ACACB: variants seen among roughly 807,000 people sequenced by gnomAD.
ACACB encodes acetyl-CoA carboxylase 2.
A neutral mutation model predicts 278.8 loss-of-function variants in ACACB; 209 were observed. The ratio of observed to expected loss-of-function variants is 0.75; its 90% CI spans 0.67 to 0.84. The LOEUF is 0.84. Ranked by LOEUF, ACACB falls within the 40% of genes least tolerant of loss-of-function variation. The probability of loss-of-function intolerance (pLI) is 0.00; values close to 1 mark genes in which losing one functional copy is unlikely to be tolerated. For synonymous variants in ACACB, 1,174 were observed against 1,285.6 expected, an observed-to-expected ratio of 0.91 and a Z score of 1.86; for missense variants, 2,850 against 3,269.0, an observed-to-expected ratio of 0.87 and a Z score of 3.13.
At chr12:109,176,097 G>T in intron 8 of ACACB, 56 bp from the exon 9 acceptor site, 1 of 1,611,148 alleles carries the variant, frequency 6.2e-7, no homozygotes, top group Non-Finnish European at 8.5e-7. Context: ...CTCTGTCCTG[G>T]TAGCAGTTGG....
At chr12:109,198,604 G>C (rs952828307) in intron 17 of ACACB, among the ~76,000 whole-genome samples, 4 of 151,944 alleles carry the variant, frequency 2.6e-5, no homozygotes, top group African/African-American at 9.7e-5. Flanking sequence ...GTTGTGATGG[G>C]AGGATCACCT....
At chr12:109,116,198 G>A (rs766167228), upstream of ACACB, among the ~76,000 whole-genome samples, 12 of 152,184 alleles carry the variant, frequency 7.9e-5, no homozygotes, top group Non-Finnish European at 1.6e-4. Flanking sequence ...ATCTTTTCAG[G>A]GGAGAGAAGC....
intron 6 of ACACB, among the ~76,000 whole-genome samples, chr12:109,172,705 T>C (rs936729599): frequency 6.6e-6 from 1 of 152,224 alleles, no homozygotes; most frequent in East Asian, 1.9e-4. Flanking sequence ...GGAACGCTTA[T>C]GCACTGTTGG....
chr12:109,266,388 G>T lies in ACACB; in HGVS notation c.*26G>T. ...CCGTGGCCCGCCCAGCCACTCCCGG[G>T]ACCACGGCAAAAGGAACCACCCAGA... On this transcript the variant is annotated 3_prime_UTR_variant, in exon 53 of 53. Transcript: ENST00000338432. 1.3e-6 allele frequency: 2 copies of T among 1,584,566 alleles called. No homozygotes were observed. The highest frequency in any genetic ancestry group is 2.3e-5 in the South Asian group (2 of 88,362).
intron 21 of ACACB, among the ~76,000 whole-genome samples, chr12:109,210,338 C>T (rs111205032): frequency 0.045 from 932 of 20,648 alleles, 172 homozygotes; most frequent in African/African-American, 0.1. Context: ...TATGTATATA[C>T]ACGCACACAC....
chr12:109,240,810 A>G (rs1458082166), intron 35 of ACACB, among the ~76,000 whole-genome samples: 1 of 151,736 alleles, frequency 6.6e-6, no homozygotes, highest in African/African-American at 2.4e-5. Flanking sequence ...TAGTTCAGTC[A>G]CTTATCAGCC....
intron 1 of ACACB, among the ~76,000 whole-genome samples, chr12:109,120,762 A>G (rs913966793): frequency 7.2e-5 from 11 of 152,228 alleles, no homozygotes; most frequent in Non-Finnish European, 2.9e-5. Context: ...ACACGTGCAC[A>G]CCTGGAGCTG....
chr12:109,207,273 A>T (rs2045550738), intron 20 of ACACB, among the ~76,000 whole-genome samples: 1 of 152,204 alleles, frequency 6.6e-6, no homozygotes, highest in South Asian at 2.1e-4. Context: ...TGTGTTTATG[A>T]AGGACCTGTC....
chr12:109,245,601 T>C, intron 37 of ACACB, 25 bp from the exon 38 acceptor site: 1 of 1,608,398 alleles, frequency 6.2e-7, no homozygotes, highest in Non-Finnish European at 8.5e-7. Context: ...CTTCAAGTTT[T>C]TTCTCTTTCC....
At chr12:109,210,641 G>A (rs1235497060) in intron 21 of ACACB, among the ~76,000 whole-genome samples, 1 of 150,904 alleles carries the variant, frequency 6.6e-6, no homozygotes, top group Non-Finnish European at 1.5e-5. Context: ...GAGGTCGGGT[G>A]CATTGGCTCA....
At chr12:109,189,274 G>A (rs2044778458) in intron 13 of ACACB, among the ~76,000 whole-genome samples, 10 of 152,194 alleles carry the variant, frequency 6.6e-5, no homozygotes, top group Admixed American at 6.5e-4. Context: ...CAGTTTTGAT[G>A]ATCAGGTTTT....
intron 9 of ACACB, among the ~76,000 whole-genome samples, chr12:109,176,628 T>A (rs922488416): frequency 6.6e-6 from 1 of 152,226 alleles, no homozygotes; most frequent in Non-Finnish European, 1.5e-5. Flanking sequence ...CTATTTTATT[T>A]TATTTTTGAG....
chr12:109,167,138 A>G, intron 3 of ACACB, 145 bp downstream of exon 3: 1 of 977,346 alleles, frequency 1.0e-6, no homozygotes, highest in Non-Finnish European at 1.5e-6. Context: ...GAGTTTTAAT[A>G]GTTTAACCCT....
At chr12:109,129,347 G>A (rs1277425758) in intron 1 of ACACB, among the ~76,000 whole-genome samples, 1 of 152,124 alleles carries the variant, frequency 6.6e-6, no homozygotes, top group Non-Finnish European at 1.5e-5. Context: ...TGTGAAAGGA[G>A]CAGGACCCTG....
At chr12:109,223,309 T>A (rs895863290) in intron 26 of ACACB, among the ~76,000 whole-genome samples, 1 of 152,136 alleles carries the variant, frequency 6.6e-6, no homozygotes, top group African/African-American at 2.4e-5. Flanking sequence ...GGGAGACCTG[T>A]CCCAGGTGCC....
intron 1 of ACACB, among the ~76,000 whole-genome samples, chr12:109,122,325 T>C (rs1021118383): frequency 3.3e-5 from 5 of 152,174 alleles, no homozygotes; most frequent in African/African-American, 1.2e-4. Context: ...AAATGCTTCA[T>C]ATAGGCCAGG....
At position 109,245,712 on chromosome 12, in the gene ACACB, G is replaced by C. The variant is rs1169241340; in HGVS notation, c.5265G>C (p.Gln1755His). The part of the protein sequence containing the change: ...YTELVLDSQG[Q>H]LVEMNRLPGG... ...AATTAGTGTTGGACTCTCAGGGCCA[G>C]CTGGTGGAGATGAACCGACTTCCTG... The change falls in exon 38 of 53, where the codon CAG (glutamine) becomes CAC (histidine). Residue 1755 changes from glutamine (Q) to histidine (H), a missense_variant. By Grantham distance (24) the Gln-to-His change is conservative (BLOSUM62 0). Coordinates refer to ENST00000338432, the MANE Select transcript of ACACB (RefSeq NM_001093.4). The C allele has an allele frequency of 6.2e-7, 1 of 1,614,068 alleles. No individual in the cohort carries two copies. Among genetic ancestry groups the C allele is most frequent in the Admixed American group, 1.7e-5 (1 of 60,004 alleles).
In ACACB at chr12:109,213,117, T is replaced by G. The variant is rs17848817; in HGVS notation, c.3350+181T>G. Among the ~76,000 whole-genome samples, 19 of 152,344 alleles carry G rather than the reference T, an allele frequency of 1.2e-4. No individual in the cohort carries two copies. The East Asian group carries it at 3.5e-3, about 28-fold the overall frequency. The stretch of plus-strand genomic sequence containing the variant: ...GTGAGGTACTTTACTTCTGTAAATC[T>G]CTGTTTGTAAATCTCAGCTCACTGC... On this transcript the variant is annotated intron_variant, in intron 22 of 52. Coordinates refer to ENST00000338432, the MANE Select transcript of ACACB (RefSeq NM_001093.4).
intron 5 of ACACB, 85 bp downstream of exon 5, chr12:109,171,999 G>T: frequency 8.6e-7 from 1 of 1,167,826 alleles, no homozygotes; most frequent in South Asian, 1.3e-5. Context: ...GTTCACAAGG[G>T]GTGGAGGGTC....
Sources: allele counts gnomAD v4.1 joint callset (sites outside exome capture counted in the v4.1 genomes callset), GRCh38; gene constraint gnomAD v4.1.1; transcripts MANE v1.5; gene names NCBI Gene and HGNC (gene_info 2026-07-23, HGNC 2026-07-21).